The following ANKRD28 variants were observed in gnomAD, a reference collection of about 807,000 sequenced individuals.
ANKRD28 encodes the protein serine/threonine-protein phosphatase 6 regulatory ankyrin repeat subunit A.
A neutral mutation model predicts 126.5 loss-of-function variants in ANKRD28; 44 were observed. The observed-to-expected ratio is 0.35, with a 90% CI of 0.27 to 0.45. The LOEUF (loss-of-function observed/expected upper bound fraction) is 0.45, where lower values mean the gene tolerates loss of function less well. Among genes scored for constraint, ANKRD28 ranks in the 20% least tolerant of loss-of-function variants. The probability of loss-of-function intolerance (pLI) is 1.00; values close to 1 mark genes in which losing one functional copy is unlikely to be tolerated. For synonymous variants in ANKRD28, 442 were observed against 468.5 expected, an observed-to-expected ratio of 0.94 and a Z score of 0.73; for missense variants, 1,110 against 1,316.6, an observed-to-expected ratio of 0.84 and a Z score of 2.43.
intron 2 of ANKRD28, among the ~76,000 whole-genome samples, chr3:15,767,845 G>A (rs1001212773): frequency 1.3e-5 from 2 of 149,932 alleles, no homozygotes; most frequent in African/African-American, 2.5e-5. Flanking sequence ...CTGAGATGGC[G>A]CCACTGCACT....
rs1336957327 is a variant in ANKRD28, at chr3:15,854,753, AC to A, written c.27+4623del. Among the ~76,000 whole-genome samples the A allele has an allele frequency of 6.6e-6, 1 of 152,030 alleles. No homozygotes were observed. The highest frequency in any genetic ancestry group is 1.9e-4 in the East Asian group (1 of 5,178). On this transcript the variant is annotated intron_variant, in intron 1 of 27. Coordinates refer to the ANKRD28 transcript ENST00000399451. The surrounding 1 kb of genome is among the most constrained non-coding windows in gnomAD (Gnocchi z 4.1). ...CCTTGTGTCCCCTGTCATCTCCAGC[AC>A]AAAACAGGAAGACACGCCAGGCATG...
chr3:15,719,880 T>G (rs2073509506), intron 8 of ANKRD28, among the ~76,000 whole-genome samples: 1 of 152,032 alleles, frequency 6.6e-6, no homozygotes, highest in Non-Finnish European at 1.5e-5. Flanking sequence ...ATTCCTTTAT[T>G]TATTTTTTGA....
chr3:15,851,152 T>C (rs1023699212), intron 1 of ANKRD28, among the ~76,000 whole-genome samples: 8 of 152,106 alleles, frequency 5.3e-5, no homozygotes, highest in African/African-American at 1.9e-4. Flanking sequence ...TTATCACAAA[T>C]AAATACTTCT....
At chr3:15,694,851 T>TA in intron 16 of ANKRD28, 38 bp from the exon 17 acceptor site, 1 of 1,580,074 alleles carries the variant, frequency 6.3e-7, no homozygotes, top group Non-Finnish European at 8.7e-7. Context: ...CAGAAAGACA[T>TA]ACTACAGCAA....
chr3:15,714,547 A>AAAAC (rs200662705), intron 9 of ANKRD28, 31 bp downstream of exon 9: 21 of 1,463,640 alleles, frequency 1.4e-5, no homozygotes, highest in South Asian at 4.0e-5. Context: ...AAAAAAAAAA[A>AAAAC]CCCCAAAAAA....
chr3:15,703,925 A>G (rs2125986152), intron 14 of ANKRD28, among the ~76,000 whole-genome samples: 1 of 152,320 alleles, frequency 6.6e-6, no homozygotes, highest in East Asian at 1.9e-4. Context: ...ATCTACATAC[A>G]CACAGAGCAA....
In ANKRD28 at chr3:15,669,088, G is replaced by T. The variant is rs1575052201; in HGVS notation, c.*1182C>A. On this transcript the variant is annotated 3_prime_UTR_variant, in exon 28 of 28. Transcript: ENST00000683139. The stretch of plus-strand genomic sequence containing the variant: ...TGCTTCTCTCTCCAAATAGTAACAG[G>T]TTACAAACATGCTACTTTAAATATG... The T allele has an allele frequency of 6.6e-6, 1 of 152,176 alleles. No homozygotes were observed. Among genetic ancestry groups the T allele is most frequent in the Admixed American group, 6.5e-5 (1 of 15,268 alleles). 9.4% of individuals were successfully genotyped at this position (152,176 alleles called of 1,614,324 possible).
rs202028288 is a variant in ANKRD28, at chr3:15,670,392, C to A, written c.3130G>T (p.Ala1044Ser). The A allele has an allele frequency of 7.4e-6, 12 of 1,613,936 alleles. No homozygotes were observed. The African/African-American group carries it at 1.3e-4, about 18-fold the overall frequency. ...TNTSKTVSFE[A>S]LPIMRNEPSS... ...GGTTCATTCCTCATGATGGGCAAAG[C>A]TTCAAAGCTGACTGTTTTTGAGGTG... Residue 1044 changes from alanine to serine, a missense_variant, in exon 28 of 28, where the codon GCT (alanine) becomes TCT (serine). By Grantham distance (99) the Ala-to-Ser change is moderately conservative. Coordinates refer to ENST00000683139, the MANE Select transcript of ANKRD28 (RefSeq NM_001349278.2).
intron 14 of ANKRD28, 96 bp downstream of exon 14, chr3:15,707,828 C>G: frequency 7.0e-7 from 1 of 1,423,990 alleles, no homozygotes; most frequent in Non-Finnish European, 9.5e-7. Flanking sequence ...ACAAAAAATA[C>G]AAAGAGGAAA....
intron 1 of ANKRD28, among the ~76,000 whole-genome samples, chr3:15,856,376 T>C (rs114362214): frequency 1.1e-4 from 17 of 152,334 alleles, no homozygotes; most frequent in Non-Finnish European, 2.1e-4. Context: ...CTGTGATCCC[T>C]AAACAATGAT....
chr3:15,733,555 G>A (rs1424750624), intron 6 of ANKRD28: 1 of 152,056 alleles, frequency 6.6e-6, no homozygotes, highest in East Asian at 1.9e-4. Flanking sequence ...TGCTTTATGT[G>A]ACTATTCTTC....
At chr3:15,696,301 G>A (rs2069542497) in intron 14 of ANKRD28, 56 bp from the exon 15 acceptor site, 1 of 1,103,930 alleles carries the variant, frequency 9.1e-7, no homozygotes, top group Admixed American at 2.9e-5. Flanking sequence ...ATTAACCAAT[G>A]ATAAAAAGAG....
At chr3:15,746,137 G>A (rs755555421) in intron 4 of ANKRD28, among the ~76,000 whole-genome samples, 9 of 152,120 alleles carry the variant, frequency 5.9e-5, no homozygotes, top group Non-Finnish European at 1.0e-4. Context: ...CTAGGTATGC[G>A]ATCATATCAT....
At chr3:15,723,281 C>T (rs2073913204) in intron 7 of ANKRD28, among the ~76,000 whole-genome samples, 1 of 152,200 alleles carries the variant, frequency 6.6e-6, no homozygotes, top group South Asian at 2.1e-4. Context: ...CAGTTAAGAG[C>T]CTATTTAGCC....
At chr3:15,789,741 A>G (rs2059941119) in intron 2 of ANKRD28, among the ~76,000 whole-genome samples, 1 of 152,102 alleles carries the variant, frequency 6.6e-6, no homozygotes, top group African/African-American at 2.4e-5. Flanking sequence ...AAACTATGTT[A>G]CATGACTTCT....
chr3:15,772,634 C>T (rs533033011), intron 2 of ANKRD28, among the ~76,000 whole-genome samples: 1 of 152,288 alleles, frequency 6.6e-6, no homozygotes, highest in Non-Finnish European at 1.5e-5. Context: ...GTCATATAAT[C>T]ATCGCATTTA....
At position 15,853,053 on chromosome 3, in the gene ANKRD28, G is replaced by A. The variant is rs2061686557; in HGVS notation, c.27+6324C>T. Among the ~76,000 whole-genome samples, 3 of 152,012 alleles carry A rather than the reference G, an allele frequency of 2.0e-5. No individual in the cohort carries two copies. The highest frequency in any genetic ancestry group is 4.4e-5 in the Non-Finnish European group (3 of 68,008). ...GCATAACTAAGAATTGGGGATGAGG[G>A]ATGGGAATGGAAATTAAACCTAAAA... is the stretch of plus-strand genomic sequence containing the variant. On this transcript the variant is annotated intron_variant, in intron 1 of 27. Coordinates refer to the ANKRD28 transcript ENST00000399451. This position sits in a 1 kb window ranked among gnomAD's most constrained non-coding sequence, Gnocchi z 4.2.
chr3:15,681,955 C>T (rs186390519), intron 21 of ANKRD28, among the ~76,000 whole-genome samples: 2 of 152,190 alleles, frequency 1.3e-5, no homozygotes, highest in East Asian at 3.9e-4. Context: ...TTAATGCCAT[C>T]GTTCTGAATG....
chr3:15,750,871 C>T (rs1300778801), intron 4 of ANKRD28, among the ~76,000 whole-genome samples: 6 of 152,130 alleles, frequency 3.9e-5, no homozygotes, highest in Admixed American at 3.9e-4. Flanking sequence ...TAAAGAAATA[C>T]TAGATGAACA....
Sources: allele counts gnomAD v4.1 joint callset (sites outside exome capture counted in the v4.1 genomes callset), GRCh38; gene constraint gnomAD v4.1.1; non-coding constraint Gnocchi (gnomAD v3.1); transcripts MANE v1.5; gene names NCBI Gene and HGNC (gene_info 2026-07-23, HGNC 2026-07-21).